The following PHACTR3 variants were observed in gnomAD, a reference collection of about 807,000 sequenced individuals.
PHACTR3 encodes the protein phosphatase and actin regulator 3, also known as protein phosphatase 1, regulatory subunit 123.
PHACTR3 carries 16 observed loss-of-function variants against 66.8 expected under a neutral mutation model. The ratio of observed to expected loss-of-function variants is 0.24; its 90% CI spans 0.16 to 0.36. The LOEUF is 0.36. Among genes scored for constraint, PHACTR3 ranks in the 10% least tolerant of loss-of-function variants. The pLI is 1.00. For synonymous variants in PHACTR3, 323 were observed against 292.1 expected, an observed-to-expected ratio of 1.11 and a Z score of -1.08; for missense variants, 647 against 719.9, an observed-to-expected ratio of 0.90 and a Z score of 1.16.
chr20:59,737,177 C>G (rs548646238), intron 1 of PHACTR3, among the ~76,000 whole-genome samples: 2 of 152,134 alleles, frequency 1.3e-5, no homozygotes, highest in Non-Finnish European at 2.9e-5. Flanking sequence ...CCCATCATAG[C>G]CCCTGTCCTG....
chr20:59,717,558 C>T (rs182515070), intron 1 of PHACTR3, among the ~76,000 whole-genome samples: 4 of 152,310 alleles, frequency 2.6e-5, no homozygotes, highest in African/African-American at 9.6e-5. Context: ...CACCCGTGCT[C>T]AGAGAGGTGG....
intron 1 of PHACTR3, among the ~76,000 whole-genome samples, chr20:59,669,335 C>T (rs1032946376): frequency 6.6e-6 from 1 of 152,188 alleles, no homozygotes; most frequent in Non-Finnish European, 1.5e-5. Context: ...CCCCTGGGGA[C>T]TTAAAATAAT....
At chr20:59,700,996 T>C (rs2037487829) in intron 1 of PHACTR3, among the ~76,000 whole-genome samples, 1 of 151,954 alleles carries the variant, frequency 6.6e-6, no homozygotes, top group South Asian at 2.1e-4. Flanking sequence ...CTCACTACAT[T>C]GCCCAGGCTG....
chr20:59,603,465 C>T (rs1278122240), upstream of PHACTR3: 1 of 152,646 alleles, frequency 6.6e-6, no homozygotes, highest in Non-Finnish European at 1.5e-5. Context: ...CACCACCACC[C>T]CGCTCAGTTC....
At chr20:59,720,311 A>G (rs7354129) in intron 1 of PHACTR3, among the ~76,000 whole-genome samples, 8,428 of 152,236 alleles carry the variant, frequency 0.055, 277 homozygotes, top group Non-Finnish European at 0.08. Flanking sequence ...ATCAATAAAC[A>G]CAAAAGCTGC....
Position 59,605,032 on chromosome 20 carries a change from C to A in PHACTR3, c.18C>A (p.Asp6Glu). MAASE[D>E]GSGCLVSRGR... ...CCGGGCCCATGGCCGCGTCGGAGGACGGGAGCGGCTGCCTCGTGTCGCGGG... is the reference window on the plus strand; with the variant it reads ...CCGGGCCCATGGCCGCGTCGGAGGAAGGGAGCGGCTGCCTCGTGTCGCGGG... The change falls in exon 1 of 13, where the codon GAC becomes GAA. Residue 6 changes from aspartate (D) to glutamate (E), a missense_variant. By Grantham distance (45) the Asp-to-Glu change is conservative (BLOSUM62 2). Around this residue, in one of 2 missense-constraint regions of PHACTR3, gnomAD observed 577 missense variants for 571.1 expected, o/e 1.01. Coordinates refer to ENST00000371015, the MANE Select transcript of PHACTR3 (RefSeq NM_080672.5). The A allele has an allele frequency of 7.4e-7, 1 of 1,354,070 alleles. No individual in the cohort carries two copies. The highest frequency in any genetic ancestry group is 1.9e-5 in the South Asian group (1 of 53,724). 83.9% of individuals were successfully genotyped at this position (1,354,070 alleles called of 1,614,324 possible).
intron 8 of PHACTR3, chr20:59,835,963 G>T (rs2145491892): frequency 6.6e-6 from 1 of 152,586 alleles, no homozygotes; most frequent in South Asian, 2.1e-4. Context: ...TGCTGGGCTG[G>T]GCACAGGCGG....
chr20:59,729,913 G>A (rs1167977642), intron 1 of PHACTR3, among the ~76,000 whole-genome samples: 1 of 152,146 alleles, frequency 6.6e-6, no homozygotes, highest in Non-Finnish European at 1.5e-5. Context: ...TTGAATTCAC[G>A]TTGGACCCGG....
intron 1 of PHACTR3, among the ~76,000 whole-genome samples, chr20:59,737,489 CGTGTGTGT>C (rs148487053): frequency 6.6e-6 from 1 of 150,386 alleles, no homozygotes; most frequent in East Asian, 2.0e-4. Context: ...CGTGCATGTG[CGTGTGTGT>C]GTGTCTGTGT....
chr20:59,588,527 T>G (rs187852710), intron 1 of PHACTR3, among the ~76,000 whole-genome samples: 26 of 152,290 alleles, frequency 1.7e-4, no homozygotes, highest in African/African-American at 6.3e-4. Flanking sequence ...CCCTCCTGGG[T>G]TTCCTGTTTC....
intron 10 of PHACTR3, 36 bp from the exon 11 acceptor site, chr20:59,841,359 C>T: frequency 6.3e-7 from 1 of 1,584,466 alleles, no homozygotes; most frequent in South Asian, 1.2e-5. Context: ...GCTAGTTTGG[C>T]ATGTGATACT....
chr20:59,833,928 A>G (rs1467884343), intron 8 of PHACTR3, among the ~76,000 whole-genome samples: 1 of 152,128 alleles, frequency 6.6e-6, no homozygotes, highest in East Asian at 1.9e-4. Context: ...CAGATAAGAT[A>G]GTACTGCTGG....
intron 1 of PHACTR3, among the ~76,000 whole-genome samples, chr20:59,657,948 G>A (rs1455869970): frequency 1.3e-5 from 2 of 151,786 alleles, no homozygotes; most frequent in Admixed American, 6.6e-5. Flanking sequence ...TACATATGTT[G>A]GTCCACTTAA....
chr20:59,746,042 C>T (rs56254038), intron 2 of PHACTR3, among the ~76,000 whole-genome samples: 29,045 of 152,208 alleles, frequency 0.19, 3,507 homozygotes, highest in Non-Finnish European at 0.27. Flanking sequence ...GCTGCAGCCT[C>T]TTTGCTGACA....
At chr20:59,703,897 T>C (rs749231244) in intron 1 of PHACTR3, among the ~76,000 whole-genome samples, 2 of 152,234 alleles carry the variant, frequency 1.3e-5, no homozygotes, top group African/African-American at 2.4e-5. Context: ...TTTGATTTTG[T>C]GTCCCTCCAG....
Position 59,664,464 on chromosome 20 carries a change from G to A in PHACTR3, c.118+59332G>A, listed in dbSNP as rs151276044. Among the ~76,000 whole-genome samples, 1,067 of 152,148 alleles carry A rather than the reference G, an allele frequency of 7.0e-3. 3 individuals are homozygous for A. Among genetic ancestry groups the A allele is most frequent in the Admixed American group, 0.011 (162 of 15,284 alleles). ...GGAGGCTCCTCCAGGGCTGCTTCTC[G>A]TAGCCGTTTCCTGGTGTGGCTTCAG... is the stretch of plus-strand genomic sequence containing the variant. On this transcript the variant is annotated intron_variant, in intron 1 of 12. Transcript: ENST00000371015.
rs200495024 is a variant in PHACTR3 at position 59,836,742 on chromosome 20, A to AT, written c.1384+190dup. ...AAGGAAAGCTGATATACCTAGAAAC[A>AT]TTTTTTTTAATTTAAAAAAACTCCT... is the stretch of plus-strand genomic sequence containing the variant. On this transcript the variant is annotated intron_variant, in intron 9 of 12. Coordinates refer to ENST00000371015, the MANE Select transcript of PHACTR3 (RefSeq NM_080672.5). Among the ~76,000 whole-genome samples the AT allele has an allele frequency of 1.7e-3, 261 of 151,878 alleles. 1 individual carries two copies. The highest frequency in any genetic ancestry group is 3.0e-3 in the African/African-American group (124 of 41,378).
intron 1 of PHACTR3, among the ~76,000 whole-genome samples, chr20:59,671,182 A>C (rs1186704036): frequency 6.6e-6 from 1 of 152,272 alleles, no homozygotes; most frequent in South Asian, 2.1e-4. Flanking sequence ...GGGGATTTCC[A>C]GAATATTTGG....
chr20:59,584,390 C>T (rs1246808505), intron 1 of PHACTR3, among the ~76,000 whole-genome samples: 2 of 149,430 alleles, frequency 1.3e-5, no homozygotes, highest in Non-Finnish European at 3.0e-5. Flanking sequence ...AGGGTTGAGG[C>T]TGTGCAGGAG....
Sources: gnomAD v4.1 joint callset for allele counts (sites outside exome capture counted in the v4.1 genomes callset) on GRCh38, gnomAD v4.1.1 for gene constraint, gnomAD v4.1.1 regional missense constraint, MANE v1.5 for transcripts, NCBI Gene and HGNC (gene_info 2026-07-23, HGNC 2026-07-21) for gene names.